RPS6KC1: variants seen among roughly 807,000 people sequenced by gnomAD.
RPS6KC1 encodes the protein ribosomal protein S6 kinase C1.
A neutral mutation model predicts 103.8 loss-of-function variants in RPS6KC1; 54 were observed. The observed-to-expected ratio is 0.52, with a 90% CI of 0.42 to 0.65. The LOEUF (loss-of-function observed/expected upper bound fraction) is 0.65. Ranked by LOEUF, RPS6KC1 falls within the 30% of genes least tolerant of loss-of-function variation. The probability of loss-of-function intolerance (pLI) is 0.00; values close to 1 mark genes in which losing one functional copy is unlikely to be tolerated. For missense variants in RPS6KC1, 1,151 were observed against 1,253.8 expected, an observed-to-expected ratio of 0.92 and a Z score of 1.24; for synonymous variants, 439 against 438.7, an observed-to-expected ratio of 1.00 and a Z score of -0.01.
At chr1:213,372,425 T>C in the RPS6KC1 span, among the ~76,000 whole-genome samples, 1 of 152,190 alleles carries the variant, frequency 6.6e-6, no homozygotes, top group Non-Finnish European at 1.5e-5. Flanking sequence ...TGCACATAGA[T>C]AGGCCTGGCC....
the RPS6KC1 span, among the ~76,000 whole-genome samples, chr1:213,366,691 G>A: frequency 0.031 from 4,692 of 152,258 alleles, 253 homozygotes; most frequent in African/African-American, 0.11. Context: ...TGACCCCTTC[G>A]GGTGTTAGTC....
intron 8 of RPS6KC1, among the ~76,000 whole-genome samples, chr1:213,203,056 G>A (rs1171430712): frequency 6.6e-6 from 1 of 151,966 alleles, no homozygotes; most frequent in African/African-American, 2.4e-5. Context: ...CAGTATATAT[G>A]CACATTTTAA....
the RPS6KC1 span, among the ~76,000 whole-genome samples, chr1:213,635,887 A>C: frequency 6.6e-6 from 1 of 152,210 alleles, no homozygotes; most frequent in Non-Finnish European, 1.5e-5. Flanking sequence ...CTCAGCCCAA[A>C]TCTCCTAAAG....
At chr1:213,681,169 C>G in the RPS6KC1 span, among the ~76,000 whole-genome samples, 919 of 152,220 alleles carry the variant, frequency 6.0e-3, 3 homozygotes, top group Non-Finnish European at 0.01. Flanking sequence ...CTCTCACTCC[C>G]TAGGAGCCCC....
At chr1:213,498,026 AT>A in the RPS6KC1 span, among the ~76,000 whole-genome samples, 2 of 152,168 alleles carry the variant, frequency 1.3e-5, no homozygotes, top group Admixed American at 6.5e-5. Flanking sequence ...AATGCTGAAG[AT>A]CTTTTTATGT....
intron 8 of RPS6KC1, among the ~76,000 whole-genome samples, chr1:213,180,716 TAA>T (rs2092214660): frequency 6.6e-6 from 1 of 152,218 alleles, no homozygotes; most frequent in Non-Finnish European, 1.5e-5. Context: ...TATTTTAATA[TAA>T]GTTTTTATAG....
chr1:213,637,322 T>G, the RPS6KC1 span, among the ~76,000 whole-genome samples: 2 of 151,486 alleles, frequency 1.3e-5, no homozygotes, highest in South Asian at 4.2e-4. Context: ...GTATGTTTAT[T>G]GTGGCACTAT....
At chr1:213,381,906 G>T in the RPS6KC1 span, among the ~76,000 whole-genome samples, 1 of 152,204 alleles carries the variant, frequency 6.6e-6, no homozygotes, top group Non-Finnish European at 1.5e-5. Flanking sequence ...AGACACCCTC[G>T]TGCAGCTTCT....
chr1:213,360,306 T>C, the RPS6KC1 span, among the ~76,000 whole-genome samples: 1 of 152,232 alleles, frequency 6.6e-6, no homozygotes, highest in South Asian at 2.1e-4. Flanking sequence ...TTTCATTCAT[T>C]TGATCTTCCA....
chr1:213,241,537 A>G lies in RPS6KC1; in HGVS notation c.2061A>G (p.Gly687=), dbSNP rs776000513. Residue 687 remains glycine (G), a synonymous_variant, in exon 11 of 15, where the codon GGA becomes GGG. Transcript: ENST00000366960. ...ATGATGTCAGTGGTACTGATGAAGG[A>G]AGACCTGATCTTCTTGTAAATTTAC... ...AFDDVSGTDE[G]RPDLLVNLPG... is the part of the protein sequence containing the mutation. 1 of 1,614,000 alleles carries G rather than the reference A, an allele frequency of 6.2e-7. No homozygotes were observed. Among genetic ancestry groups the G allele is most frequent in the Non-Finnish European group, 8.5e-7 (1 of 1,179,936 alleles).
chr1:213,209,744 T>G (rs2093453434), intron 8 of RPS6KC1, among the ~76,000 whole-genome samples: 1 of 148,712 alleles, frequency 6.7e-6, no homozygotes, highest in African/African-American at 2.5e-5. Flanking sequence ...TGCCACTCTG[T>G]AGGCAGAGTA....
the RPS6KC1 span, among the ~76,000 whole-genome samples, chr1:213,541,930 C>T: frequency 6.6e-6 from 1 of 152,152 alleles, no homozygotes; most frequent in East Asian, 1.9e-4. Flanking sequence ...GCCAAAGCTT[C>T]GTGGAGGAGT....
chr1:213,272,402 G>A, intron 14 of RPS6KC1, 122 bp from the exon 15 acceptor site: 1 of 702,064 alleles, frequency 1.4e-6, no homozygotes, highest in Non-Finnish European at 2.5e-6. Context: ...ATGGTCACTT[G>A]GCTATTAATC....
chr1:213,602,108 C>CTTTCT, the RPS6KC1 span, among the ~76,000 whole-genome samples: 23 of 35,132 alleles, frequency 6.5e-4, 2 homozygotes, highest in African/African-American at 3.0e-3. Flanking sequence ...TTCTTTCTTT[C>CTTTCT]TTTCTTTCTT....
At chr1:213,192,603 G>A (rs2092788500) in intron 8 of RPS6KC1, among the ~76,000 whole-genome samples, 1 of 151,998 alleles carries the variant, frequency 6.6e-6, no homozygotes, top group South Asian at 2.1e-4. Context: ...AATCTTGGTA[G>A]GTTGTATGTC....
the RPS6KC1 span, among the ~76,000 whole-genome samples, chr1:213,861,695 C>G: frequency 6.6e-6 from 1 of 152,214 alleles, no homozygotes; most frequent in Non-Finnish European, 1.5e-5. Flanking sequence ...TCGCAGCCTA[C>G]CTTTGGCTCC....
At chr1:213,344,946 T>G in the RPS6KC1 span, among the ~76,000 whole-genome samples, 4 of 152,214 alleles carry the variant, frequency 2.6e-5, no homozygotes, top group Admixed American at 2.6e-4. Flanking sequence ...TAGCACCTAG[T>G]AGCCACTCCA....
At chr1:213,728,937 G>GTTTTTTTTTTTTTTTTTTTTTT in the RPS6KC1 span, among the ~76,000 whole-genome samples, 78 of 93,430 alleles carry the variant, frequency 8.3e-4, 13 homozygotes, top group South Asian at 1.5e-3. Flanking sequence ...GAACATGAGG[G>GTTTTTTTTTTTTTTTTTTTTTT]TTTTTTTTTT....
At chr1:213,431,361 T>C in the RPS6KC1 span, among the ~76,000 whole-genome samples, 3 of 151,624 alleles carry the variant, frequency 2.0e-5, no homozygotes, top group Non-Finnish European at 4.4e-5. Context: ...TTATATGAGA[T>C]TTTTTTTTCC....
Sources: gnomAD v4.1 joint callset for allele counts (sites outside exome capture counted in the v4.1 genomes callset) on GRCh38, gnomAD v4.1.1 for gene constraint, MANE v1.5 for transcripts, NCBI Gene and HGNC (gene_info 2026-07-23, HGNC 2026-07-21) for gene names.